The following DIS3L2 variants were observed in gnomAD, a reference collection of about 807,000 sequenced individuals.
DIS3L2 encodes the protein DIS3-like exonuclease 2.
DIS3L2 carries 34 observed loss-of-function variants against 97.5 expected under a neutral mutation model. The ratio of observed to expected loss-of-function variants is 0.35; its 90% confidence interval spans 0.27 to 0.46. The LOEUF is 0.46. Ranked by LOEUF, DIS3L2 falls within the 20% of genes least tolerant of loss-of-function variation. The probability of loss-of-function intolerance (pLI) is 1.00; values close to 1 mark genes in which losing one functional copy is unlikely to be tolerated. For missense variants in DIS3L2, 1,038 were observed against 1,146.0 expected (o/e 0.91, Z 1.36); for synonymous variants, 435 against 445.2 (o/e 0.98, Z 0.29).
At position 232,148,076 on chromosome 2, in the gene DIS3L2, A is replaced by G. The variant is rs930337023; in HGVS notation, c.950+11357A>G. On this transcript the variant is annotated intron_variant, in intron 8 of 20. Transcript: ENST00000325385. Reference sequence around the variant, plus strand: ...CCCCTCCCCTCTTTTCTTTTGACGGAGTCTCACTGTGTCGCCAGGCTGGAG... The same window carrying G: ...CCCCTCCCCTCTTTTCTTTTGACGGGGTCTCACTGTGTCGCCAGGCTGGAG... Among the ~76,000 whole-genome samples the G allele has an allele frequency of 3.1e-5, 4 of 127,188 alleles. No individual in the cohort carries two copies. The South Asian group carries it at 1.1e-3, about 34-fold the overall frequency. The allele number at this position is 127,188 out of a possible 152,430, so 83.4% of individuals were successfully genotyped here.
rs1380173515 is a variant in DIS3L2, at chr2:231,961,736, T to TGCG, written c.-116_-114dup. ...GCATTCTCCTTAGCAACTGCGGGAC[T>TGCG]GCGGCGGCGCCGGCCTCCGGGGAGA... On this transcript the variant is annotated 5_prime_UTR_variant, in exon 1 of 21. Transcript: ENST00000325385. The TGCG allele has an allele frequency of 2.6e-5, 4 of 153,286 alleles. No homozygotes were observed. The highest frequency in any genetic ancestry group is 9.6e-5 in the African/African-American group (4 of 41,586). 9.5% of individuals were successfully genotyped at this position (153,286 alleles called of 1,614,324 possible).
intron 9 of DIS3L2, chr2:232,172,848 A>G (rs1408485307): frequency 8.0e-6 from 4 of 500,498 alleles, no homozygotes; most frequent in Non-Finnish European, 1.6e-5. Context: ...TGTGGTTTTG[A>G]TTTGCATTTC....
intron 10 of DIS3L2, among the ~76,000 whole-genome samples, chr2:232,226,639 C>T (rs948416238): frequency 2.0e-5 from 3 of 152,144 alleles, no homozygotes; most frequent in Admixed American, 2.0e-4. Context: ...GACATCTTTC[C>T]CCTACTATAC....
At chr2:232,335,412 C>T (rs1445856031) in intron 19 of DIS3L2, 1 of 270,646 alleles carries the variant, frequency 3.7e-6, no homozygotes, top group Non-Finnish European at 7.1e-6. Context: ...CTAGCTCACC[C>T]TGCTGTGGGC....
chr2:232,042,707 TAAG>T (rs1695142843), intron 5 of DIS3L2, among the ~76,000 whole-genome samples: 1 of 152,254 alleles, frequency 6.6e-6, no homozygotes, highest in South Asian at 2.1e-4. Context: ...ATGTCTGAAA[TAAG>T]GAGTGTATTG....
chr2:232,109,138 C>A (rs116634418), intron 6 of DIS3L2, among the ~76,000 whole-genome samples: 2,216 of 152,190 alleles, frequency 0.015, 21 homozygotes, highest in Non-Finnish European at 0.021. Context: ...GAGGCATCAC[C>A]CTACCCAACT....
At chr2:231,990,104 G>C (rs1559520286) in intron 1 of DIS3L2, among the ~76,000 whole-genome samples, 1 of 151,904 alleles carries the variant, frequency 6.6e-6, no homozygotes, top group Non-Finnish European at 1.5e-5. Context: ...CTTTCCACAA[G>C]ATCCTTTTAT....
At chr2:232,244,035 T>C (rs1304065865) in intron 11 of DIS3L2, among the ~76,000 whole-genome samples, 1 of 152,072 alleles carries the variant, frequency 6.6e-6, no homozygotes, top group Non-Finnish European at 1.5e-5. Context: ...TATCATTGAG[T>C]GGAGATTAGT....
intron 5 of DIS3L2, among the ~76,000 whole-genome samples, chr2:232,047,801 A>G (rs1318954486): frequency 6.6e-6 from 1 of 152,216 alleles, no homozygotes; most frequent in Non-Finnish European, 1.5e-5. Context: ...TAGACATTTC[A>G]TATAAATAGA....
intron 10 of DIS3L2, among the ~76,000 whole-genome samples, chr2:232,210,749 T>G (rs1692166848): frequency 6.6e-6 from 1 of 151,942 alleles, no homozygotes; most frequent in Non-Finnish European, 1.5e-5. Context: ...TTGTAAGGGC[T>G]CTGCTTGGGA....
chr2:232,248,211 G>C (rs932333256), intron 11 of DIS3L2, among the ~76,000 whole-genome samples: 1 of 142,616 alleles, frequency 7.0e-6, no homozygotes, highest in Non-Finnish European at 1.6e-5. Flanking sequence ...TTTGCTGAAT[G>C]TCCCTCAATT....
intron 10 of DIS3L2, among the ~76,000 whole-genome samples, chr2:232,224,557 A>G (rs1030138390): frequency 1.3e-5 from 2 of 152,160 alleles, no homozygotes; most frequent in African/African-American, 4.8e-5. Context: ...AAGATTGTTG[A>G]AAAGGGTGCA....
chr2:232,278,041 A>G (rs1236970916), intron 13 of DIS3L2, among the ~76,000 whole-genome samples: 3 of 152,230 alleles, frequency 2.0e-5, no homozygotes, highest in Non-Finnish European at 2.9e-5. Flanking sequence ...GAAAGGTTAG[A>G]CTAATTTAGG....
chr2:232,253,436 T>A (rs770642756), intron 12 of DIS3L2, among the ~76,000 whole-genome samples: 1 of 152,200 alleles, frequency 6.6e-6, no homozygotes, highest in Non-Finnish European at 1.5e-5. Context: ...GGACCATACC[T>A]TGAGAACCAA....
chr2:232,270,311 C>T (rs1220935138), intron 13 of DIS3L2, among the ~76,000 whole-genome samples: 1 of 152,146 alleles, frequency 6.6e-6, no homozygotes, highest in African/African-American at 2.4e-5. Context: ...CCAGAAATAA[C>T]CATGGTTAAT....
At chr2:232,094,718 CAAAAAA>C (rs59253625) in intron 6 of DIS3L2, among the ~76,000 whole-genome samples, 1 of 111,512 alleles carries the variant, frequency 9.0e-6, no homozygotes, top group African/African-American at 3.5e-5. Flanking sequence ...GACTCCATCT[CAAAAAA>C]AAAAAAAAAA....
At chr2:231,961,927 C>T (rs1692567410) in intron 1 of DIS3L2, among the ~76,000 whole-genome samples, 162 bp downstream of exon 1, 1 of 152,208 alleles carries the variant, frequency 6.6e-6, no homozygotes, top group Non-Finnish European at 1.5e-5. Flanking sequence ...GCTCCCCGGC[C>T]CACGCGTCTT....
At chr2:232,303,208 C>T (rs957635715) in intron 14 of DIS3L2, among the ~76,000 whole-genome samples, 14 of 152,194 alleles carry the variant, frequency 9.2e-5, no homozygotes, top group African/African-American at 3.1e-4. Flanking sequence ...AGACTCCTCA[C>T]TCATGAGTTA....
chr2:232,036,146 C>G (rs1470681348), intron 5 of DIS3L2, among the ~76,000 whole-genome samples: 1 of 152,216 alleles, frequency 6.6e-6, no homozygotes, highest in Non-Finnish European at 1.5e-5. Flanking sequence ...CTGTCACTTT[C>G]AGGTACATCA....
Sources: allele counts gnomAD v4.1 joint callset (sites outside exome capture counted in the v4.1 genomes callset), GRCh38; gene constraint gnomAD v4.1.1; transcripts MANE v1.5; gene names NCBI Gene and HGNC (gene_info 2026-07-23, HGNC 2026-07-21).